SPAG16: variants seen among roughly 807,000 people sequenced by gnomAD.
The protein encoded by SPAG16 is sperm-associated antigen 16 protein.
A neutral mutation model predicts 80.4 loss-of-function variants in SPAG16; 86 were observed. That is an observed-to-expected ratio of 1.07 (90% CI 0.90 to 1.28). The LOEUF (loss-of-function observed/expected upper bound fraction) is 1.28. Among genes scored for constraint, SPAG16 ranks in the 50% most tolerant of loss-of-function variants. The pLI, the probability that SPAG16 is intolerant of heterozygous loss-of-function variation, is 0.00. For missense variants in SPAG16, 870 were observed against 765.3 expected (o/e 1.14, Z -1.61); for synonymous variants, 294 against 265.9 (o/e 1.11, Z -1.03).
chr2:213,682,011 T>A (rs1345336945), intron 10 of SPAG16, among the ~76,000 whole-genome samples: 3 of 152,182 alleles, frequency 2.0e-5, no homozygotes, highest in Non-Finnish European at 2.9e-5. Context: ...CCTTTAGGGA[T>A]CCTGTACCTC....
intron 10 of SPAG16, among the ~76,000 whole-genome samples, chr2:213,781,441 G>C (rs1372849863): frequency 6.6e-6 from 1 of 151,982 alleles, no homozygotes; most frequent in Admixed American, 6.6e-5. Flanking sequence ...GTTTCTTCCT[G>C]CCTTCTTAAT....
At chr2:214,235,111 C>T (rs7567455) in intron 15 of SPAG16, among the ~76,000 whole-genome samples, 7,921 of 152,020 alleles carry the variant, frequency 0.052, 700 homozygotes, top group African/African-American at 0.18. Context: ...TTAATGTATA[C>T]CTAGATTTTG....
At chr2:213,974,716 T>C (rs2045267676) in intron 12 of SPAG16, among the ~76,000 whole-genome samples, 1 of 152,078 alleles carries the variant, frequency 6.6e-6, no homozygotes, top group Non-Finnish European at 1.5e-5. Flanking sequence ...AACTCTCTGT[T>C]ACACGTCTGC....
At chr2:213,337,558 C>T (rs181600766) in intron 5 of SPAG16, among the ~76,000 whole-genome samples, 15 of 152,142 alleles carry the variant, frequency 9.9e-5, no homozygotes, top group Admixed American at 6.5e-4. Context: ...AAACACAACA[C>T]GAGAACTTCA....
intron 10 of SPAG16, among the ~76,000 whole-genome samples, chr2:213,526,451 A>G (rs989008677): frequency 1.3e-5 from 2 of 152,134 alleles, no homozygotes. Context: ...ATTTTAATCA[A>G]ATTGGTTTCA....
intron 10 of SPAG16, among the ~76,000 whole-genome samples, chr2:213,734,170 T>C (rs534704363): frequency 5.3e-5 from 8 of 152,298 alleles, no homozygotes; most frequent in African/African-American, 1.9e-4. Context: ...TTTTCATTCT[T>C]GATCGAGTGA....
chr2:213,648,065 A>G (rs1187757869), intron 10 of SPAG16, among the ~76,000 whole-genome samples: 1 of 152,154 alleles, frequency 6.6e-6, no homozygotes, highest in Non-Finnish European at 1.5e-5. Context: ...ATCCGCTCAA[A>G]ATTATAAGAA....
chr2:213,650,828 T>A (rs1040222067), intron 10 of SPAG16, among the ~76,000 whole-genome samples: 1 of 152,238 alleles, frequency 6.6e-6, no homozygotes, highest in Non-Finnish European at 1.5e-5. Flanking sequence ...TCTTGTCATT[T>A]CATCTAAATT....
chr2:213,438,627 G>A (rs972894579), intron 9 of SPAG16, among the ~76,000 whole-genome samples: 18 of 152,156 alleles, frequency 1.2e-4, no homozygotes, highest in Non-Finnish European at 1.2e-4. Context: ...AATAACTCAC[G>A]TCCTTATACT....
At chr2:213,782,059 C>T (rs1038500022) in intron 10 of SPAG16, among the ~76,000 whole-genome samples, 1 of 152,102 alleles carries the variant, frequency 6.6e-6, no homozygotes, top group Non-Finnish European at 1.5e-5. Context: ...AATTATAGCA[C>T]CTCCATTTAC....
chr2:213,470,297 G>C (rs897138175), intron 9 of SPAG16, among the ~76,000 whole-genome samples: 2 of 152,128 alleles, frequency 1.3e-5, no homozygotes, highest in Non-Finnish European at 2.9e-5. Context: ...TGATCCCACT[G>C]CCCCACTTTT....
In SPAG16 at chr2:213,833,511, TAATATATATAA is replaced by T. The variant is rs2073857793; in HGVS notation, c.1071-28973_1071-28963del. On this transcript the variant is annotated intron_variant, in intron 10 of 15. Coordinates refer to ENST00000331683, the MANE Select transcript of SPAG16 (RefSeq NM_024532.5). ...TTATATATAATATATATATTATATA[TAATATATATAA>T]TATATATATTATATATAATATATAT... 1.0e-3 allele frequency among the ~76,000 whole-genome samples: 3 copies of T among 3,014 alleles called. 1 individual carries two copies. The highest frequency in any genetic ancestry group is 2.7e-3 in the Non-Finnish European group (3 of 1,106). The allele number at this position is 3,014 out of a possible 152,430, so 2.0% of individuals were successfully genotyped here.
intron 10 of SPAG16, among the ~76,000 whole-genome samples, chr2:213,845,553 A>G (rs1469239307): frequency 2.0e-5 from 3 of 152,212 alleles, no homozygotes; most frequent in Admixed American, 2.0e-4. Flanking sequence ...CAATATGTAC[A>G]CGAAGAATTT....
chr2:214,135,718 T>A (rs1367002062), intron 14 of SPAG16, among the ~76,000 whole-genome samples: 1 of 141,390 alleles, frequency 7.1e-6, no homozygotes, highest in Non-Finnish European at 1.5e-5. Context: ...TCTCTCTGTC[T>A]CTCTGTCTCT....
intron 10 of SPAG16, among the ~76,000 whole-genome samples, chr2:213,842,120 G>A: frequency 6.6e-6 from 1 of 152,084 alleles, no homozygotes; most frequent in East Asian, 1.9e-4. Flanking sequence ...TAAGAATTGT[G>A]TATTTTGAAT....
chr2:214,268,500 A>G (rs1032365012), intron 15 of SPAG16, among the ~76,000 whole-genome samples: 1 of 151,986 alleles, frequency 6.6e-6, no homozygotes, highest in African/African-American at 2.4e-5. Context: ...TTTTGACAAC[A>G]TGAATGCAAC....
At chr2:214,108,463 A>ACACG (rs1434770249) in intron 14 of SPAG16, among the ~76,000 whole-genome samples, 1 of 98,840 alleles carries the variant, frequency 1.0e-5, no homozygotes, top group Non-Finnish European at 2.2e-5. Flanking sequence ...ACACACACAC[A>ACACG]CACACACACA....
At chr2:214,182,067 A>G (rs578084762) in intron 15 of SPAG16, among the ~76,000 whole-genome samples, 2 of 151,986 alleles carry the variant, frequency 1.3e-5, no homozygotes, top group East Asian at 3.9e-4. Context: ...AATGTTTTCT[A>G]CTTGATCATG....
chr2:213,786,169 C>T (rs2070331535), intron 10 of SPAG16, among the ~76,000 whole-genome samples: 1 of 152,124 alleles, frequency 6.6e-6, no homozygotes, highest in Admixed American at 6.5e-5. Context: ...GCTCCTCATT[C>T]TCTATGCTAC....
Sources: gnomAD v4.1 joint callset for allele counts (sites outside exome capture counted in the v4.1 genomes callset) on GRCh38, gnomAD v4.1.1 for gene constraint, MANE v1.5 for transcripts, NCBI Gene and HGNC (gene_info 2026-07-23, HGNC 2026-07-21) for gene names.